The following LRTM2 variants were observed in gnomAD, a reference collection of about 807,000 sequenced individuals.
LRTM2 encodes leucine-rich repeat and transmembrane domain-containing protein 2.
In LRTM2, 18 loss-of-function variants were observed where a neutral mutation model predicts 28.1. That is an observed-to-expected ratio of 0.64 (90% CI 0.44 to 0.95). LRTM2 has a LOEUF of 0.95. LRTM2 is among the 40% of genes least tolerant of loss of function. LRTM2 has a pLI of 0.00. For synonymous variants in LRTM2, 250 were observed against 218.7 expected, an observed-to-expected ratio of 1.14 and a Z score of -1.26; for missense variants, 436 against 497.2, an observed-to-expected ratio of 0.88 and a Z score of 1.17.
Position 1,828,679 on chromosome 12 carries a change from T to G in LRTM2, c.67+464T>G, listed in dbSNP as rs1592686997. 6.6e-6 allele frequency among the ~76,000 whole-genome samples: 1 copy of G among 152,274 alleles called. No homozygotes were observed. Among genetic ancestry groups the G allele is most frequent in the African/African-American group, 2.4e-5 (1 of 41,562 alleles). On this transcript the variant is annotated intron_variant, in intron 3 of 4. Coordinates refer to ENST00000299194, the MANE Select transcript of LRTM2 (RefSeq NM_001039029.3). This position sits in a 1 kb window ranked among gnomAD's most constrained non-coding sequence, Gnocchi z 4.2. ...GCTGGGTCAGCTTGGAGATGTCTCT[T>G]ATGCTCCTTATGCCTCCGCTTTCCC... is the stretch of plus-strand genomic sequence containing the variant.
chr12:1,826,322 T>C (rs1864313899), intron 1 of LRTM2, among the ~76,000 whole-genome samples: 1 of 152,028 alleles, frequency 6.6e-6, no homozygotes, highest in Non-Finnish European at 1.5e-5. Context: ...GCGGTCACCA[T>C]TTCTAGACAG....
intron 1 of LRTM2, among the ~76,000 whole-genome samples, chr12:1,826,718 C>T (rs1207369622): frequency 1.1e-4 from 17 of 152,360 alleles, no homozygotes; most frequent in Admixed American, 6.5e-5. Context: ...GGGGCAGAGC[C>T]GACTGTCCTG....
chr12:1,825,786 G>A (rs1254671585), intron 1 of LRTM2, among the ~76,000 whole-genome samples: 2 of 152,218 alleles, frequency 1.3e-5, no homozygotes, highest in Non-Finnish European at 2.9e-5. Context: ...CTGGGTGACA[G>A]TCGCCAGGGA....
chr12:1,830,963 T>C lies in LRTM2; in HGVS notation c.96T>C (p.Ala32=), dbSNP rs1429024585. The change falls in exon 4 of 5, where the codon GCT becomes GCC. Residue 32 remains alanine, a synonymous_variant. Coordinates refer to ENST00000299194, the MANE Select transcript of LRTM2 (RefSeq NM_001039029.3). ...TCACCTGCTGGATCGCCCTGTATGCTGTGGAGGCCCTCCCCACCTGCCCTT... is the reference window on the plus strand; with the variant it reads ...TCACCTGCTGGATCGCCCTGTATGCCGTGGAGGCCCTCCCCACCTGCCCTT... ...SWITCWIALY[A]VEALPTCPFS... 2.5e-6 allele frequency: 4 copies of C among 1,612,288 alleles called. No individual in the cohort carries two copies. The highest frequency in any genetic ancestry group is 1.3e-5 in the African/African-American group (1 of 74,902).
chr12:1,831,599 G>A, intron 4 of LRTM2, 74 bp downstream of exon 4: 1 of 1,297,064 alleles, frequency 7.7e-7, no homozygotes, highest in Non-Finnish European at 1.1e-6. Flanking sequence ...TCCTCCTGGT[G>A]GCTGGGTGCT....
In LRTM2 at chr12:1,834,399, T is replaced by C; in HGVS notation, c.791T>C (p.Ile264Thr). The C allele has an allele frequency of 6.2e-7, 1 of 1,613,042 alleles. No individual in the cohort carries two copies. Among genetic ancestry groups the C allele is most frequent in the African/African-American group, 1.3e-5 (1 of 75,034 alleles). ...GAGAATAGCTCAGCTGGGCTGGATA[T>C]TCCTGGGCCACCCTGCACCAAGGCC... The part of the protein sequence containing the change: ...EDENSSAGLD[I>T]PGPPCTKASP... Residue 264 changes from isoleucine (I) to threonine (T), a missense_variant, in exon 5 of 5, where the codon ATT becomes ACT. Ile to Thr is a moderately conservative substitution (Grantham distance 89, BLOSUM62 -1). Coordinates refer to ENST00000299194, the MANE Select transcript of LRTM2 (RefSeq NM_001039029.3). The surrounding 1 kb of genome is among the most constrained non-coding windows in gnomAD (Gnocchi z 7.6).
At chr12:1,821,559 C>T (rs1440143034) in intron 1 of LRTM2, among the ~76,000 whole-genome samples, 1 of 152,162 alleles carries the variant, frequency 6.6e-6, no homozygotes. Context: ...AGCTGTGCAC[C>T]CAGCCGTCCA....
chr12:1,829,571 T>G lies in LRTM2; in HGVS notation c.67+1356T>G, dbSNP rs1371008448. 6.6e-6 allele frequency among the ~76,000 whole-genome samples: 1 copy of G among 151,998 alleles called. No homozygotes were observed. The highest frequency in any genetic ancestry group is 1.5e-5 in the Non-Finnish European group (1 of 67,980). The stretch of plus-strand genomic sequence containing the variant: ...GTCAGCTCTCAGCTGTCATCGATCC[T>G]CCAGGCAGGGAAGGGGAGAGTCTCA... On this transcript the variant is annotated intron_variant, in intron 3 of 4. Transcript: ENST00000299194. This position sits in a 1 kb window ranked among gnomAD's most constrained non-coding sequence, Gnocchi z 4.2.
At chr12:1,824,925 C>G (rs1313707419) in intron 1 of LRTM2, among the ~76,000 whole-genome samples, 1 of 152,192 alleles carries the variant, frequency 6.6e-6, no homozygotes, top group East Asian at 1.9e-4. Flanking sequence ...TTGGGAAGGC[C>G]CTGGTGTCCA....
intron 4 of LRTM2, among the ~76,000 whole-genome samples, chr12:1,832,795 T>C (rs925897854): frequency 6.6e-6 from 1 of 152,204 alleles, no homozygotes; most frequent in African/African-American, 2.4e-5. Context: ...CTAATTGAGA[T>C]AGACCTTCTT....
In LRTM2 at chr12:1,833,737, G is replaced by C. The variant is rs548095252; in HGVS notation, c.659-530G>C. Among the ~76,000 whole-genome samples, 25 of 152,356 alleles carry C rather than the reference G, an allele frequency of 1.6e-4. No individual in the cohort carries two copies. Among genetic ancestry groups the C allele is most frequent in the Non-Finnish European group, 3.2e-4 (22 of 68,018 alleles). On this transcript the variant is annotated intron_variant, in intron 4 of 4. Coordinates refer to ENST00000299194, the MANE Select transcript of LRTM2 (RefSeq NM_001039029.3). This position sits in a 1 kb window ranked among gnomAD's most constrained non-coding sequence, Gnocchi z 4.2. ...AAAGGTCTTGCGTGGAGGGGCAGCG[G>C]CAGGGGCAGTGGGTTTTGACTGCTG... is the stretch of plus-strand genomic sequence containing the variant.
At position 1,836,182 on chromosome 12, in the gene LRTM2, C is replaced by A. The variant is rs1047047238; in HGVS notation, c.*1461C>A. 6.6e-6 allele frequency: 1 copy of A among 152,568 alleles called. No homozygotes were observed. The highest frequency in any genetic ancestry group is 2.4e-5 in the African/African-American group (1 of 41,462). 9.5% of individuals were successfully genotyped at this position (152,568 alleles called of 1,614,324 possible). ...GGGGAGCCTGTCTGGGACAGAGCCA[C>A]CTGCTGCCAAGGCAGTGCAAGTTTT... is the stretch of plus-strand genomic sequence containing the variant. On this transcript the variant is annotated 3_prime_UTR_variant, in exon 5 of 5. Transcript: ENST00000299194.
intron 3 of LRTM2, among the ~76,000 whole-genome samples, chr12:1,830,389 T>C (rs989632003): frequency 2.0e-5 from 3 of 152,228 alleles, no homozygotes; most frequent in African/African-American, 7.2e-5. Context: ...TTTTGTGCTC[T>C]CGCCTTTCCA....
rs185635747 is a variant in LRTM2 at position 1,833,671 on chromosome 12, T to G, written c.659-596T>G. ...GAACATTCCTGCCCAACTCTTTTCCTCTTTACGCCAGGAAGGGAGCTGCCC... is the reference window on the plus strand; with the variant it reads ...GAACATTCCTGCCCAACTCTTTTCCGCTTTACGCCAGGAAGGGAGCTGCCC... On this transcript the variant is annotated intron_variant, in intron 4 of 4. Coordinates refer to ENST00000299194, the MANE Select transcript of LRTM2 (RefSeq NM_001039029.3). This position sits in a 1 kb window ranked among gnomAD's most constrained non-coding sequence, Gnocchi z 4.2. Among the ~76,000 whole-genome samples the G allele has an allele frequency of 6.6e-5, 10 of 152,222 alleles. No individual in the cohort carries two copies. The highest frequency in any genetic ancestry group is 2.4e-4 in the African/African-American group (10 of 41,528).
chr12:1,834,897 A>G lies in LRTM2; in HGVS notation c.*176A>G. The G allele has an allele frequency of 7.9e-7, 1 of 1,262,522 alleles. No homozygotes were observed. The highest frequency in any genetic ancestry group is 1.5e-5 in the African/African-American group (1 of 66,500). The allele number at this position is 1,262,522 out of a possible 1,614,324, so 78.2% of individuals were successfully genotyped here. ...TCCCTGCACTTTCGAGGCTCCCTGA[A>G]AGCCACCGTGCTGGGGGCTCCTGCT... is the stretch of plus-strand genomic sequence containing the variant. On this transcript the variant is annotated 3_prime_UTR_variant, in exon 5 of 5. Coordinates refer to ENST00000299194, the MANE Select transcript of LRTM2 (RefSeq NM_001039029.3). This position sits in a 1 kb window ranked among gnomAD's most constrained non-coding sequence, Gnocchi z 7.6.
intron 1 of LRTM2, among the ~76,000 whole-genome samples, chr12:1,821,874 C>G (rs1258241262): frequency 6.6e-6 from 1 of 152,102 alleles, no homozygotes; most frequent in African/African-American, 2.4e-5. Context: ...GGTGTTGGCA[C>G]CCGGCTGTCA....
chr12:1,826,416 C>CCCCCCCCCCCCCCCCCA (rs1864328449), intron 1 of LRTM2, among the ~76,000 whole-genome samples: 1 of 139,184 alleles, frequency 7.2e-6, no homozygotes, highest in African/African-American at 2.7e-5. Flanking sequence ...CCCCCCCCCC[C>CCCCCCCCCCCCCCCCCA]GCCAACTGGC....
Position 1,824,844 on chromosome 12 carries a change from C to T in LRTM2, c.-258-2566C>T, listed in dbSNP as rs565386741. Among the ~76,000 whole-genome samples, 3 of 152,230 alleles carry T rather than the reference C, an allele frequency of 2.0e-5. No homozygotes were observed. The South Asian group carries it at 6.2e-4, about 32-fold the overall frequency. The stretch of plus-strand genomic sequence containing the variant: ...GTGCTGGCTGCAGCCCCACCTCTCT[C>T]TAGGAGTCCCTCTGTGGTGCCACAC... On this transcript the variant is annotated intron_variant, in intron 1 of 4. Coordinates refer to ENST00000299194, the MANE Select transcript of LRTM2 (RefSeq NM_001039029.3).
In LRTM2 at chr12:1,828,318, G is replaced by A. The variant is rs1310632066; in HGVS notation, c.67+103G>A. 9.5e-7 allele frequency: 1 copy of A among 1,048,264 alleles called. No homozygotes were observed. Among genetic ancestry groups the A allele is most frequent in the Non-Finnish European group, 1.3e-6 (1 of 744,810 alleles). The allele number at this position is 1,048,264 out of a possible 1,614,324, so 64.9% of individuals were successfully genotyped here. Reference sequence around the variant, plus strand: ...GACCTTAGCCACACTCAGGCTGCAGGGAGGCCTACGCCAGATCTTCCTGGG... The same window carrying A: ...GACCTTAGCCACACTCAGGCTGCAGAGAGGCCTACGCCAGATCTTCCTGGG... On this transcript the variant is annotated intron_variant, in intron 3 of 4. Coordinates refer to ENST00000299194, the MANE Select transcript of LRTM2 (RefSeq NM_001039029.3). The surrounding 1 kb of genome is among the most constrained non-coding windows in gnomAD (Gnocchi z 4.2).
Sources: gnomAD v4.1 joint callset for allele counts (sites outside exome capture counted in the v4.1 genomes callset) on GRCh38, gnomAD v4.1.1 for gene constraint, Gnocchi (gnomAD v3.1) non-coding constraint, MANE v1.5 for transcripts, NCBI Gene and HGNC (gene_info 2026-07-23, HGNC 2026-07-21) for gene names.